The following GCSAML variants were observed in gnomAD, a reference collection of about 807,000 sequenced individuals.
GCSAML encodes germinal center-associated signaling and motility-like protein.
A neutral mutation model predicts 13.0 loss-of-function variants in GCSAML; 9 were observed. The ratio of observed to expected loss-of-function variants is 0.69; its 90% CI spans 0.42 to 1.21. The LOEUF is 1.21. Among genes scored for constraint, GCSAML ranks in the 50% most tolerant of loss-of-function variants. The pLI is 0.00. For synonymous variants in GCSAML, 37 were observed against 52.9 expected, an observed-to-expected ratio of 0.70 and a Z score of 1.31; for missense variants, 143 against 153.4, an observed-to-expected ratio of 0.93 and a Z score of 0.36.
chr1:247,544,883 AAAG>A (rs1040020978), upstream of GCSAML, among the ~76,000 whole-genome samples: 1 of 152,136 alleles, frequency 6.6e-6, no homozygotes, highest in Admixed American at 6.5e-5. Flanking sequence ...CAAAAACAAA[AAAG>A]AACTTTTTTT....
intron 2 of GCSAML, among the ~76,000 whole-genome samples, chr1:247,535,336 A>G (rs769029453): frequency 1.3e-5 from 2 of 151,964 alleles, no homozygotes; most frequent in African/African-American, 4.8e-5. Context: ...AAACAAACCA[A>G]TCAGGGAGGT....
intron 2 of GCSAML, among the ~76,000 whole-genome samples, chr1:247,533,050 A>C (rs1353774324): frequency 2.0e-5 from 3 of 152,170 alleles, no homozygotes; most frequent in Non-Finnish European, 4.4e-5. Flanking sequence ...CAGGCATTAA[A>C]ATTGTGCCCT....
chr1:247,557,666 G>C (rs1668001382), intron 2 of GCSAML, among the ~76,000 whole-genome samples: 1 of 152,156 alleles, frequency 6.6e-6, no homozygotes, highest in Admixed American at 6.5e-5. Context: ...CTGCACAAAG[G>C]AGAGAGTTGG....
intron 1 of GCSAML, among the ~76,000 whole-genome samples, chr1:247,515,623 C>T (rs7515778): frequency 0.024 from 3,697 of 152,220 alleles, 150 homozygotes; most frequent in African/African-American, 0.084. Flanking sequence ...GACTAGGAGG[C>T]CTCAGGAAAC....
intron 2 of GCSAML, chr1:247,532,030 G>C (rs1666992356): frequency 6.2e-7 from 1 of 1,613,722 alleles, no homozygotes; most frequent in African/African-American, 1.3e-5. Flanking sequence ...GGTGAGCGTG[G>C]AGCCCACCAT....
chr1:247,545,035 C>G (rs985168195), upstream of GCSAML, among the ~76,000 whole-genome samples: 1 of 152,122 alleles, frequency 6.6e-6, no homozygotes, highest in Non-Finnish European at 1.5e-5. Flanking sequence ...ACATTTGAAG[C>G]CAAATATCCC....
At chr1:247,548,584 C>T (rs2094087695), upstream of GCSAML, among the ~76,000 whole-genome samples, 1 of 152,128 alleles carries the variant, frequency 6.6e-6, no homozygotes, top group Non-Finnish European at 1.5e-5. The surrounding 1 kb of genome is among the most constrained non-coding windows in gnomAD (Gnocchi z 5.3). Flanking sequence ...GTTGCTAGAG[C>T]CACAAAGAGA....
chr1:247,557,096 T>C (rs1458131519), intron 2 of GCSAML, among the ~76,000 whole-genome samples: 3 of 152,240 alleles, frequency 2.0e-5, no homozygotes, highest in East Asian at 3.8e-4. Flanking sequence ...GACTGATTGA[T>C]AACGTCTCCT....
At chr1:247,561,390 T>G (rs1469904936) in intron 2 of GCSAML, among the ~76,000 whole-genome samples, 1 of 152,238 alleles carries the variant, frequency 6.6e-6, no homozygotes, top group African/African-American at 2.4e-5. Flanking sequence ...CTTTTATTTG[T>G]CTTGGGAACA....
intron 1 of GCSAML, among the ~76,000 whole-genome samples, chr1:247,511,556 T>C (rs1174554910): frequency 6.6e-6 from 1 of 152,200 alleles, no homozygotes; most frequent in African/African-American, 2.4e-5. Flanking sequence ...GATCCTGTCA[T>C]TATGATGCTA....
intron 1 of GCSAML, among the ~76,000 whole-genome samples, chr1:247,513,004 G>A (rs902310256): frequency 1.3e-5 from 2 of 152,210 alleles, no homozygotes; most frequent in Non-Finnish European, 2.9e-5. Flanking sequence ...ACCCACTTGA[G>A]GAGGCAGTCT....
chr1:247,557,402 A>G (rs1440452536), intron 2 of GCSAML, among the ~76,000 whole-genome samples: 1 of 152,190 alleles, frequency 6.6e-6, no homozygotes. Context: ...CTAGATGTTG[A>G]TATCTTGCCT....
Position 247,556,436 on chromosome 1 carries a change from A to G in GCSAML, c.59A>G (p.Lys20Arg), listed in dbSNP as rs776704811. 9.9e-6 allele frequency: 16 copies of G among 1,612,076 alleles called. No homozygotes were observed. In the African/African-American group the frequency reaches 1.9e-4, roughly 19 times the overall value. ...SCLGENQKKP[K>R]KGNPDEERKR... ...CTGGGAGAGAATCAAAAGAAGCCCA[A>G]GAAAGGAAACCCAGATGAGGAAAGA... The change falls in exon 2 of 5, where the codon AAG becomes AGG. Residue 20 changes from lysine (K) to arginine (R), a missense_variant. Coordinates refer to ENST00000366488, the MANE Select transcript of GCSAML (RefSeq NM_145278.5).
intron 4 of GCSAML, among the ~76,000 whole-genome samples, chr1:247,569,741 C>A (rs1668529134): frequency 6.6e-6 from 1 of 152,154 alleles, no homozygotes; most frequent in Admixed American, 6.6e-5. Flanking sequence ...AGGGAGGAGT[C>A]CCTATTCTTC....
intron 2 of GCSAML, 58 bp downstream of exon 2, chr1:247,556,524 G>T: frequency 1.6e-6 from 2 of 1,254,920 alleles, no homozygotes; most frequent in East Asian, 2.5e-5. Context: ...TTTTCATTGA[G>T]ATTACTTCCA....
chr1:247,518,359 C>T (rs1666290943), intron 1 of GCSAML: 1 of 152,490 alleles, frequency 6.6e-6, no homozygotes, highest in Non-Finnish European at 1.5e-5. Context: ...GCCGCCCTGG[C>T]GCCTCTCGCG....
intron 1 of GCSAML, among the ~76,000 whole-genome samples, chr1:247,522,282 G>A (rs1213513752): frequency 4.0e-5 from 4 of 100,342 alleles, no homozygotes; most frequent in Admixed American, 1.0e-4. Context: ...TAGCCGCCCT[G>A]TCCGGGAGGG....
intron 1 of GCSAML, among the ~76,000 whole-genome samples, chr1:247,515,246 G>A (rs1334893193): frequency 2.0e-5 from 3 of 152,202 alleles, no homozygotes; most frequent in African/African-American, 7.2e-5. Flanking sequence ...AGTAATGACA[G>A]CATGGAAAAT....
chr1:247,514,262 A>C (rs1178087699), intron 1 of GCSAML, among the ~76,000 whole-genome samples: 1 of 152,198 alleles, frequency 6.6e-6, no homozygotes, highest in East Asian at 1.9e-4. Context: ...TACAGGCATG[A>C]ACCACCACTC....
Sources: allele counts gnomAD v4.1 joint callset (sites outside exome capture counted in the v4.1 genomes callset), GRCh38; gene constraint gnomAD v4.1.1; non-coding constraint Gnocchi (gnomAD v3.1); transcripts MANE v1.5; gene names NCBI Gene and HGNC (gene_info 2026-07-23, HGNC 2026-07-21).